Variants in SUGCT observed in about 807,000 individuals in gnomAD.
SUGCT encodes succinyl-CoA:glutarate-CoA transferase.
In SUGCT, 41 loss-of-function variants were observed where a neutral mutation model predicts 55.0. The observed-to-expected ratio is 0.74, with a 90% CI of 0.58 to 0.97. SUGCT has a LOEUF of 0.97. SUGCT is among the 50% of genes least tolerant of loss of function. The pLI is 0.00. For missense variants in SUGCT, 568 were observed against 547.8 expected (o/e 1.04, Z -0.37); for synonymous variants, 187 against 200.4 (o/e 0.93, Z 0.56).
At chr7:40,867,084 T>C in the SUGCT span, among the ~76,000 whole-genome samples, 1 of 151,014 alleles carries the variant, frequency 6.6e-6, no homozygotes, top group East Asian at 1.9e-4. Flanking sequence ...AAAGTGGAAG[T>C]AGATTTACAA....
At chr7:40,816,066 C>A (rs1563022537) in intron 13 of SUGCT, among the ~76,000 whole-genome samples, 1 of 152,208 alleles carries the variant, frequency 6.6e-6, no homozygotes, top group Non-Finnish European at 1.5e-5. Flanking sequence ...AGTCTCACTG[C>A]CCAAGAGAAA....
At chr7:40,723,143 C>T (rs183918320) in intron 12 of SUGCT, among the ~76,000 whole-genome samples, 17 of 152,144 alleles carry the variant, frequency 1.1e-4, no homozygotes, top group Non-Finnish European at 2.4e-4. Flanking sequence ...CATAAGCACA[C>T]GAGATGCATT....
At chr7:40,691,402 A>C (rs1219686782) in intron 12 of SUGCT, among the ~76,000 whole-genome samples, 1 of 152,014 alleles carries the variant, frequency 6.6e-6, no homozygotes, top group Non-Finnish European at 1.5e-5. Context: ...CTTACTGATC[A>C]TGAGCTATCA....
intron 9 of SUGCT, among the ~76,000 whole-genome samples, chr7:40,362,425 TC>T (rs1182331727): frequency 6.7e-6 from 1 of 150,090 alleles, no homozygotes; most frequent in East Asian, 2.0e-4. Flanking sequence ...TCCCCGCCGC[TC>T]CCCCCTCAAA....
intron 8 of SUGCT, among the ~76,000 whole-genome samples, chr7:40,297,604 C>T (rs762889229): frequency 1.3e-5 from 2 of 152,152 alleles, no homozygotes; most frequent in African/African-American, 4.8e-5. Flanking sequence ...AGGTAACTGA[C>T]GTCCAGACCT....
intron 13 of SUGCT, among the ~76,000 whole-genome samples, chr7:40,782,195 G>A (rs1157044080): frequency 1.3e-5 from 2 of 151,928 alleles, no homozygotes; most frequent in African/African-American, 4.8e-5. Flanking sequence ...AGTTAAAATT[G>A]TGTCCATTAT....
rs559857754 is a variant in SUGCT, at chr7:40,349,723, A to C, written c.816+32868A>C. 7.2e-5 allele frequency among the ~76,000 whole-genome samples: 11 copies of C among 152,320 alleles called. No homozygotes were observed. In the East Asian group the frequency reaches 1.3e-3, roughly 19 times the overall value. The stretch of plus-strand genomic sequence containing the variant: ...GGTTTCACTCTGTTGCCCAGGCTGT[A>C]GTGCAGTGGCACGATCATGGCTCAC... On this transcript the variant is annotated intron_variant, in intron 9 of 13. Coordinates refer to ENST00000335693, the MANE Select transcript of SUGCT (RefSeq NM_001193313.2).
intron 12 of SUGCT, among the ~76,000 whole-genome samples, chr7:40,748,232 A>G (rs1787832476): frequency 6.6e-6 from 1 of 152,112 alleles, no homozygotes; most frequent in Non-Finnish European, 1.5e-5. Flanking sequence ...TAGATTTAGT[A>G]GATTTAATGT....
intron 1 of SUGCT, among the ~76,000 whole-genome samples, chr7:40,179,719 A>T (rs1785092374): frequency 6.6e-6 from 1 of 152,232 alleles, no homozygotes; most frequent in Non-Finnish European, 1.5e-5. Flanking sequence ...CTGCAATGAT[A>T]GTCTCAGCTG....
the SUGCT span, among the ~76,000 whole-genome samples, chr7:40,983,163 G>A: frequency 3.2e-3 from 492 of 152,116 alleles, 2 homozygotes; most frequent in African/African-American, 0.011. Context: ...TGTTTTATCC[G>A]TCTTGTGTTC....
intron 6 of SUGCT, among the ~76,000 whole-genome samples, chr7:40,221,465 AT>A (rs977337134): frequency 6.8e-6 from 1 of 146,966 alleles, no homozygotes; most frequent in Non-Finnish European, 1.5e-5. Context: ...TACATTATCT[AT>A]TTTTTAATTT....
At chr7:40,785,968 G>A (rs1283904059) in intron 13 of SUGCT, among the ~76,000 whole-genome samples, 2 of 152,110 alleles carry the variant, frequency 1.3e-5, no homozygotes, top group African/African-American at 4.8e-5. Context: ...TGGTGGTAAT[G>A]CATGTCTGCA....
intron 12 of SUGCT, among the ~76,000 whole-genome samples, chr7:40,549,092 TTG>T (rs1186060590): frequency 6.6e-6 from 1 of 152,192 alleles, no homozygotes; most frequent in African/African-American, 2.4e-5. Flanking sequence ...CTTGGAACAC[TTG>T]TGAATGTATG....
intron 9 of SUGCT, among the ~76,000 whole-genome samples, chr7:40,404,442 T>G (rs1321703922): frequency 7.0e-6 from 1 of 143,784 alleles, no homozygotes; most frequent in Non-Finnish European, 1.5e-5. Context: ...TCCACTTGAC[T>G]TTTTTTTTTT....
chr7:40,457,679 G>A (rs17171713), intron 10 of SUGCT, among the ~76,000 whole-genome samples: 43,263 of 152,080 alleles, frequency 0.28, 8,047 homozygotes, highest in African/African-American at 0.52. Flanking sequence ...TTTGGCCAAC[G>A]ATTTCACACC....
the SUGCT span, among the ~76,000 whole-genome samples, chr7:40,905,736 G>A: frequency 6.7e-6 from 1 of 149,550 alleles, no homozygotes; most frequent in Non-Finnish European, 1.5e-5. Context: ...TTTCTTTAGA[G>A]GCAGGATCTC....
At chr7:40,910,490 C>G in the SUGCT span, among the ~76,000 whole-genome samples, 1 of 152,102 alleles carries the variant, frequency 6.6e-6, no homozygotes, top group South Asian at 2.1e-4. Flanking sequence ...GAAAGTTGAT[C>G]CATGCTTACA....
chr7:40,401,051 C>T (rs182460233), intron 9 of SUGCT, among the ~76,000 whole-genome samples: 126 of 152,276 alleles, frequency 8.3e-4, no homozygotes, highest in African/African-American at 2.9e-3. Context: ...CTGTAATTTA[C>T]TCCTTTTTTG....
At chr7:40,364,527 C>G (rs567888576) in intron 9 of SUGCT, among the ~76,000 whole-genome samples, 2 of 152,238 alleles carry the variant, frequency 1.3e-5, no homozygotes, top group South Asian at 4.1e-4. Context: ...CAAAATCTCT[C>G]AGCATTTGCT....
Sources: allele counts gnomAD v4.1 joint callset (sites outside exome capture counted in the v4.1 genomes callset), GRCh38; gene constraint gnomAD v4.1.1; transcripts MANE v1.5; gene names NCBI Gene and HGNC (gene_info 2026-07-23, HGNC 2026-07-21).